The following KDM5B variants were observed in gnomAD, a reference collection of about 807,000 sequenced individuals.
KDM5B encodes the protein lysine-specific demethylase 5B.
Under a neutral mutation model 193.4 loss-of-function variants are expected in KDM5B, and 144 were observed. The ratio of observed to expected loss-of-function variants is 0.74; its 90% CI spans 0.65 to 0.86. KDM5B has a LOEUF of 0.86. Ranked by LOEUF, KDM5B falls within the 40% of genes least tolerant of loss-of-function variation. The probability of loss-of-function intolerance (pLI) is 0.00; values close to 1 mark genes in which losing one functional copy is unlikely to be tolerated. For synonymous variants in KDM5B, 668 were observed against 682.6 expected (o/e 0.98, Z 0.33); for missense variants, 1,833 against 1,886.9 (o/e 0.97, Z 0.53).
At chr1:202,789,973 A>G (rs769050402) in intron 1 of KDM5B, among the ~76,000 whole-genome samples, 9 of 152,206 alleles carry the variant, frequency 5.9e-5, no homozygotes, top group African/African-American at 1.2e-4. Flanking sequence ...CTGTAATCCC[A>G]GCACTTTGGG....
intron 4 of KDM5B, among the ~76,000 whole-genome samples, chr1:202,772,292 A>G (rs963174307): frequency 4.6e-5 from 7 of 152,196 alleles, no homozygotes; most frequent in South Asian, 2.1e-4. Context: ...GTTTTACCTA[A>G]AAGTTTTTAA....
chr1:202,795,650 CAAAAA>C (rs544149895), intron 1 of KDM5B, among the ~76,000 whole-genome samples: 2 of 124,954 alleles, frequency 1.6e-5, no homozygotes, highest in Non-Finnish European at 3.4e-5. Context: ...GACTCCATCT[CAAAAA>C]AAAAAAAAGA....
rs577700154 is a variant in KDM5B at position 202,786,295 on chromosome 1, C to A, written c.205-9201G>T. On this transcript the variant is annotated intron_variant, in intron 1 of 26. Transcript: ENST00000367265. ...AAAGTGCTGGGATTACAGGTGTGAG[C>A]CACCACACCCAATCCAACCTTGCTT... 5.9e-5 allele frequency among the ~76,000 whole-genome samples: 9 copies of A among 151,850 alleles called. No individual in the cohort carries two copies. The South Asian group carries it at 1.9e-3, about 32-fold the overall frequency.
intron 19 of KDM5B, 68 bp from the exon 20 acceptor site, chr1:202,740,880 A>C (rs1572713575): frequency 6.7e-7 from 1 of 1,481,876 alleles, no homozygotes; most frequent in East Asian, 2.3e-5. Context: ...GGTTACCAAA[A>C]AAACTAGCAT....
intron 20 of KDM5B, among the ~76,000 whole-genome samples, chr1:202,736,766 C>T (rs956196587): frequency 6.6e-6 from 1 of 152,004 alleles, no homozygotes; most frequent in Non-Finnish European, 1.5e-5. Context: ...CTCAGCCTCC[C>T]GGGTAGCTGG....
intron 1 of KDM5B, among the ~76,000 whole-genome samples, chr1:202,800,269 C>T (rs1292137912): frequency 1.3e-5 from 2 of 152,110 alleles, no homozygotes; most frequent in African/African-American, 4.8e-5. Context: ...GTCTCAATCT[C>T]TTGACCTCAT....
chr1:202,758,603 A>G (rs1303037103), intron 8 of KDM5B, 93 bp from the exon 9 acceptor site: 2 of 1,082,344 alleles, frequency 1.8e-6, no homozygotes, highest in Non-Finnish European at 2.6e-6. Context: ...ACAAGGCTTT[A>G]ATTTGTTTAT....
At position 202,756,412 on chromosome 1, in the gene KDM5B, A is replaced by G; in HGVS notation, c.1302T>C (p.Phe434=). 6.2e-7 allele frequency: 1 copy of G among 1,613,742 alleles called. No individual in the cohort carries two copies. Among genetic ancestry groups the G allele is most frequent in the South Asian group, 1.1e-5 (1 of 91,038 alleles). Residue 434 remains phenylalanine (F), a synonymous_variant, in exon 10 of 27, where the codon TTT becomes TTC. Transcript: ENST00000367265. ...EYGADIASKE[F]GSGFPVRDGK... is the part of the protein sequence containing the mutation. Reference sequence around the variant, plus strand: ...CATCTCGGACAGGAAAGCCACTGCCAAATTCCTTTGAGGCAATGTCAGCTC... The same window carrying G: ...CATCTCGGACAGGAAAGCCACTGCCGAATTCCTTTGAGGCAATGTCAGCTC...
In KDM5B at chr1:202,739,865, T is replaced by C. The variant is rs559044071; in HGVS notation, c.3084+809A>G. On this transcript the variant is annotated intron_variant, in intron 20 of 26. Transcript: ENST00000367265. ...ACAGAACAAAATGAAAAGTCTCCCA[T>C]GTCTACTTCTTTCTACACAGACACG... Among the ~76,000 whole-genome samples, 1,042 of 152,334 alleles carry C rather than the reference T, an allele frequency of 6.8e-3. 15 individuals are homozygous for C. The highest frequency in any genetic ancestry group is 0.024 in the African/African-American group (1,010 of 41,578).
Position 202,742,925 on chromosome 1 carries a change from G to T in KDM5B, c.2324-120C>A. On this transcript the variant is annotated intron_variant, in intron 16 of 26. Coordinates refer to ENST00000367265, the MANE Select transcript of KDM5B (RefSeq NM_006618.5). ...CTAGAAATGTAACTTACAAATGTTT[G>T]CAATGCTTTAAATTATTAACAAATT... 3.7e-6 allele frequency: 3 copies of T among 803,120 alleles called. No homozygotes were observed. In the South Asian group the frequency reaches 5.5e-5, roughly 15 times the overall value. The allele number at this position is 803,120 out of a possible 1,614,324, so 49.7% of individuals were successfully genotyped here.
intron 3 of KDM5B, among the ~76,000 whole-genome samples, chr1:202,773,786 G>A (rs1463558468): frequency 6.7e-6 from 1 of 149,396 alleles, no homozygotes; most frequent in Non-Finnish European, 1.5e-5. Flanking sequence ...TGCCCAGCCC[G>A]CAGTGCAATG....
intron 1 of KDM5B, among the ~76,000 whole-genome samples, chr1:202,786,831 G>A (rs1310987477): frequency 6.6e-6 from 1 of 152,180 alleles, no homozygotes; most frequent in Non-Finnish European, 1.5e-5. Context: ...TGGATCACCT[G>A]AGGTCAGGAG....
intron 1 of KDM5B, among the ~76,000 whole-genome samples, chr1:202,793,276 A>C (rs182541360): frequency 2.0e-5 from 3 of 152,314 alleles, no homozygotes; most frequent in Admixed American, 1.3e-4. Context: ...GTTTTGCTGA[A>C]CCTACCAGGA....
chr1:202,767,954 C>A (rs1417105064), intron 4 of KDM5B, among the ~76,000 whole-genome samples: 2 of 152,132 alleles, frequency 1.3e-5, no homozygotes, highest in African/African-American at 4.8e-5. Flanking sequence ...AATATGTTTT[C>A]TAGATTTTAC....
chr1:202,746,610 T>C, intron 14 of KDM5B: 1 of 269,560 alleles, frequency 3.7e-6, no homozygotes. Context: ...AGATTAGTTA[T>C]CTGTTCTACT....
intron 16 of KDM5B, among the ~76,000 whole-genome samples, chr1:202,743,391 A>G (rs1655430047): frequency 6.6e-6 from 1 of 152,040 alleles, no homozygotes; most frequent in African/African-American, 2.4e-5. Context: ...AATAGACAAA[A>G]AGAAGAAAAC....
At chr1:202,754,735 T>C (rs1326177113) in intron 11 of KDM5B, among the ~76,000 whole-genome samples, 1 of 152,188 alleles carries the variant, frequency 6.6e-6, no homozygotes, top group Non-Finnish European at 1.5e-5. Context: ...CAGGCAGGAG[T>C]GCAATGGTGC....
chr1:202,783,684 T>C (rs371521343), intron 1 of KDM5B, among the ~76,000 whole-genome samples: 355 of 151,980 alleles, frequency 2.3e-3, no homozygotes, highest in African/African-American at 8.1e-3. Context: ...AAGACCATCC[T>C]GGCTAACACG....
rs1654749694 is a variant in KDM5B, at chr1:202,728,391, A to C, written c.*645T>G. ...GAAACTAGACATTTGTGTTCTGTAC[A>C]TCAATCAATCGCTAAAGCACCAACA... is the stretch of plus-strand genomic sequence containing the variant. On this transcript the variant is annotated 3_prime_UTR_variant, in exon 27 of 27. Coordinates refer to ENST00000367265, the MANE Select transcript of KDM5B (RefSeq NM_006618.5). The C allele has an allele frequency of 6.5e-6, 1 of 152,764 alleles. No individual in the cohort carries two copies. The highest frequency in any genetic ancestry group is 1.5e-5 in the Non-Finnish European group (1 of 68,114). The allele number at this position is 152,764 out of a possible 1,614,324, so 9.5% of individuals were successfully genotyped here. A position where few individuals can be genotyped will look rare whatever the true frequency, so the allele number is the denominator to read the frequency against.
Sources: allele counts gnomAD v4.1 joint callset (sites outside exome capture counted in the v4.1 genomes callset), GRCh38; gene constraint gnomAD v4.1.1; transcripts MANE v1.5; gene names NCBI Gene and HGNC (gene_info 2026-07-23, HGNC 2026-07-21).